SCN2A: variants seen among roughly 807,000 people sequenced by gnomAD.
SCN2A encodes the protein sodium channel protein type 2 subunit alpha.
SCN2A carries 20 observed loss-of-function variants against 188.7 expected under a neutral mutation model. The ratio of observed to expected loss-of-function variants is 0.11; its 90% CI spans 0.07 to 0.15. The LOEUF (loss-of-function observed/expected upper bound fraction) is 0.15, where lower values mean the gene tolerates loss of function less well. SCN2A is among the 10% of genes least tolerant of loss of function. The probability of loss-of-function intolerance (pLI) is 1.00; values close to 1 mark genes in which losing one functional copy is unlikely to be tolerated. For missense variants in SCN2A, 1,278 were observed against 2,445.0 expected (o/e 0.52, Z 10.07); for synonymous variants, 804 against 833.1 (o/e 0.97, Z 0.60).
In SCN2A at chr2:165,391,813, T is replaced by C. The variant is rs960470794; in HGVS notation, c.*1989T>C. The C allele has an allele frequency of 1.3e-5, 2 of 152,470 alleles. No individual in the cohort carries two copies. The highest frequency in any genetic ancestry group is 1.3e-4 in the Admixed American group (2 of 15,240). 9.4% of individuals were successfully genotyped at this position (152,470 alleles called of 1,614,324 possible). On this transcript the variant is annotated 3_prime_UTR_variant, in exon 27 of 27. Transcript: ENST00000375437. Reference sequence around the variant, plus strand: ...GGCACTAGAACTGTATCAGATATAATATGGGATCCCAGCTTTTTTTCCTCT... The same window carrying C: ...GGCACTAGAACTGTATCAGATATAACATGGGATCCCAGCTTTTTTTCCTCT...
At chr2:165,276,304 T>C (rs1695341521) in intron 1 of SCN2A, among the ~76,000 whole-genome samples, 1 of 151,818 alleles carries the variant, frequency 6.6e-6, no homozygotes, top group Admixed American at 6.6e-5. Flanking sequence ...TCCCTAAAAA[T>C]ACAAACGCAA....
chr2:165,324,526 C>A (rs1698250945), intron 12 of SCN2A, among the ~76,000 whole-genome samples: 1 of 152,142 alleles, frequency 6.6e-6, no homozygotes, highest in African/African-American at 2.4e-5. Flanking sequence ...AGGTATCCTG[C>A]AGTCAGGTTG....
intron 1 of SCN2A, among the ~76,000 whole-genome samples, chr2:165,289,489 G>A (rs933981752): frequency 3.9e-5 from 6 of 151,962 alleles, no homozygotes; most frequent in African/African-American, 1.4e-4. Flanking sequence ...CAAATATAGT[G>A]TCTGGCCTTA....
rs1466523119 is a variant in SCN2A, at chr2:165,257,898, G to A, written c.-52+18258G>A. Among the ~76,000 whole-genome samples, 7 of 152,194 alleles carry A rather than the reference G, an allele frequency of 4.6e-5. No homozygotes were observed. The East Asian group carries it at 1.4e-3, about 30-fold the overall frequency. Reference sequence around the variant, plus strand: ...GTGATGTTGAGTTTTTTCTTCATACGTTTGTCCCATGTATGTCTTCTTGAC... The same window carrying A: ...GTGATGTTGAGTTTTTTCTTCATACATTTGTCCCATGTATGTCTTCTTGAC... On this transcript the variant is annotated intron_variant, in intron 1 of 26. Coordinates refer to ENST00000375437, the MANE Select transcript of SCN2A (RefSeq NM_001040142.2).
intron 8 of SCN2A, 90 bp downstream of exon 8, chr2:165,312,178 C>T: frequency 1.1e-6 from 1 of 929,138 alleles, no homozygotes; most frequent in Non-Finnish European, 1.8e-6. Flanking sequence ...CCCACTCACT[C>T]CTCACTCAAA....
At chr2:165,363,608 A>G (rs1200447649) in intron 17 of SCN2A, among the ~76,000 whole-genome samples, 1 of 152,166 alleles carries the variant, frequency 6.6e-6, no homozygotes. Flanking sequence ...TTATCTCAGA[A>G]AGATTCCAAT....
chr2:165,340,832 C>T (rs1160462713), intron 14 of SCN2A, among the ~76,000 whole-genome samples: 2 of 152,032 alleles, frequency 1.3e-5, no homozygotes, highest in Non-Finnish European at 2.9e-5. Flanking sequence ...CCTGAAACTT[C>T]TAAAAGGGCA....
intron 2 of SCN2A, 43 bp from the exon 3 acceptor site, chr2:165,296,974 T>C (rs753966270): frequency 2.5e-5 from 25 of 986,884 alleles, no homozygotes; most frequent in Non-Finnish European, 3.8e-5. Context: ...ATTCTTAATA[T>C]ATATTCTAAG....
intron 25 of SCN2A, among the ~76,000 whole-genome samples, chr2:165,384,619 A>G (rs1295453436): frequency 6.6e-6 from 1 of 152,176 alleles, no homozygotes; most frequent in Admixed American, 6.6e-5. Flanking sequence ...TGAGAGAAAA[A>G]TGATACTGCT....
rs940572077 is a variant in SCN2A at position 165,315,524 on chromosome 2, G to A, written c.1437G>A (p.Gly479=). Residue 479 remains glycine, a synonymous_variant, in exon 11 of 27, where the codon GGG becomes GGA. Transcript: ENST00000375437. ...CAAGAGACTTCAGTGGTGCTGGTGG[G>A]ATAGGAGTTTTTTCAGAGAGTTCTT... is the stretch of plus-strand genomic sequence containing the variant. ...AESRDFSGAG[G]IGVFSESSSV... 9 of 1,614,016 alleles carry A rather than the reference G, an allele frequency of 5.6e-6. No homozygotes were observed. Among genetic ancestry groups the A allele is most frequent in the Non-Finnish European group, 7.6e-6 (9 of 1,179,928 alleles).
At chr2:165,380,949 A>G (rs1701571110) in intron 24 of SCN2A, 144 bp from the exon 25 acceptor site, 6 of 692,712 alleles carry the variant, frequency 8.7e-6, no homozygotes, top group Non-Finnish European at 1.5e-5. Flanking sequence ...CATAATTTAT[A>G]TATTGAATAA....
chr2:165,293,739 G>A, intron 1 of SCN2A: 1 of 641,642 alleles, frequency 1.6e-6, no homozygotes. Flanking sequence ...AGCATTATCT[G>A]TTAACAAAAT....
At chr2:165,297,768 A>T (rs148301911) in intron 3 of SCN2A, among the ~76,000 whole-genome samples, 1 of 152,164 alleles carries the variant, frequency 6.6e-6, no homozygotes, top group East Asian at 1.9e-4. Context: ...TTGAAGTCAC[A>T]AGTCTTGCTA....
In SCN2A at chr2:165,322,847, C is replaced by A. The variant is rs1816918; in HGVS notation, c.1672-309C>A. 0.81 allele frequency among the ~76,000 whole-genome samples: 123,868 copies of A among 152,112 alleles called. 50,593 individuals are homozygous for A. The highest frequency in any genetic ancestry group is 0.84 in the Non-Finnish European group (56,918 of 68,018). Reference sequence around the variant, plus strand: ...ATCAACAGTATCAGTTCTAGATGCCCGTAACAGGACAAAACATTATGGGGA... The same window carrying A: ...ATCAACAGTATCAGTTCTAGATGCCAGTAACAGGACAAAACATTATGGGGA... On this transcript the variant is annotated intron_variant, in intron 11 of 26. Transcript: ENST00000375437.
chr2:165,358,037 T>G (rs542609157), intron 17 of SCN2A, among the ~76,000 whole-genome samples: 1 of 152,024 alleles, frequency 6.6e-6, no homozygotes, highest in Non-Finnish European at 1.5e-5. Context: ...AACCCTAACT[T>G]AAAAAAAAGT....
At chr2:165,385,974 G>A (rs1380217125) in intron 25 of SCN2A, among the ~76,000 whole-genome samples, 1 of 152,060 alleles carries the variant, frequency 6.6e-6, no homozygotes, top group Non-Finnish European at 1.5e-5. Flanking sequence ...CATAATACGT[G>A]AGTTTATAAA....
intron 1 of SCN2A, among the ~76,000 whole-genome samples, chr2:165,265,139 A>AT (rs1372014101): frequency 6.6e-6 from 1 of 151,506 alleles, no homozygotes; most frequent in African/African-American, 2.4e-5. Flanking sequence ...AGTATCTGTT[A>AT]TTTTTTTACC....
rs1559357249 is a variant in SCN2A, at chr2:165,315,556, C to T, written c.1469C>T (p.Ala490Val). The change falls in exon 11 of 27, where the codon GCA becomes GTA. Residue 490 changes from alanine (A) to valine (V), a missense_variant. This residue lies in a region of SCN2A where 315 missense variants were observed against 386.6 expected (regional missense o/e 0.81). Coordinates refer to ENST00000375437, the MANE Select transcript of SCN2A (RefSeq NM_001040142.2). ...GTTTTTTCAGAGAGTTCTTCAGTAG[C>T]ATCTAAGTTGAGCTCCAAAAGTGAA... ...IGVFSESSSVASKLSSKSEKE... is the reference protein window; with the variant it reads ...IGVFSESSSVVSKLSSKSEKE... 6.2e-7 allele frequency: 1 copy of T among 1,613,898 alleles called. No homozygotes were observed. Among genetic ancestry groups the T allele is most frequent in the Admixed American group, 1.7e-5 (1 of 59,996 alleles).
intron 17 of SCN2A, among the ~76,000 whole-genome samples, chr2:165,358,570 A>G (rs1215935905): frequency 6.6e-6 from 1 of 152,104 alleles, no homozygotes; most frequent in East Asian, 1.9e-4. Context: ...AGAAAAGGAA[A>G]TCATGTCTTT....
Sources: gnomAD v4.1 joint callset for allele counts (sites outside exome capture counted in the v4.1 genomes callset) on GRCh38, gnomAD v4.1.1 for gene constraint, gnomAD v4.1.1 regional missense constraint, MANE v1.5 for transcripts, NCBI Gene and HGNC (gene_info 2026-07-23, HGNC 2026-07-21) for gene names.